Variants in PGAP4 observed in about 807,000 individuals in gnomAD.
PGAP4 encodes the protein GPI-N-acetylgalactosamine transferase PGAP4.
A neutral mutation model predicts 28.2 loss-of-function variants in PGAP4; 12 were observed. The observed-to-expected ratio is 0.42, with a 90% confidence interval of 0.27 to 0.69. The LOEUF (loss-of-function observed/expected upper bound fraction) is 0.69. Among genes scored for constraint, PGAP4 ranks in the 30% least tolerant of loss-of-function variants. The pLI is 0.22. For synonymous variants in PGAP4, 205 were observed against 211.8 expected, an observed-to-expected ratio of 0.97 and a Z score of 0.28; for missense variants, 425 against 513.5, an observed-to-expected ratio of 0.83 and a Z score of 1.67.
At chr9:101,483,512 C>T (rs1826542374) in intron 1 of PGAP4, among the ~76,000 whole-genome samples, 1 of 152,090 alleles carries the variant, frequency 6.6e-6, no homozygotes, top group African/African-American at 2.4e-5. Context: ...TGCACTACTG[C>T]CTACATAAAT....
At chr9:101,526,867 A>C (rs1827039639) in intron 2 of PGAP4, among the ~76,000 whole-genome samples, 1 of 152,186 alleles carries the variant, frequency 6.6e-6, no homozygotes, top group African/African-American at 2.4e-5. Flanking sequence ...GACTTATTCC[A>C]TTTTTCCAAA....
At position 101,478,513 on chromosome 9, in the gene PGAP4, A is replaced by G. The variant is rs150262346; in HGVS notation, c.-77-1344T>C. Among the ~76,000 whole-genome samples, 310 of 152,330 alleles carry G rather than the reference A, an allele frequency of 2.0e-3. 1 individual carries two copies. Among genetic ancestry groups the G allele is most frequent in the African/African-American group, 7.0e-3 (291 of 41,578 alleles). On this transcript the variant is annotated intron_variant, in intron 1 of 1. Coordinates refer to ENST00000374848, the MANE Select transcript of PGAP4 (RefSeq NM_032342.3). ...AGACTCAGCCAGTGCTCTCATATCC[A>G]TGGTCTCCCCTTGGGCACACAGAAA...
chr9:101,484,263 AAGAG>A (rs1430283858), intron 1 of PGAP4, among the ~76,000 whole-genome samples: 1 of 152,012 alleles, frequency 6.6e-6, no homozygotes, highest in Non-Finnish European at 1.5e-5. Context: ...AGAAGACAGA[AAGAG>A]AGAAGGAGAG....
intron 1 of PGAP4, among the ~76,000 whole-genome samples, chr9:101,483,503 G>A (rs1826542228): frequency 6.6e-6 from 1 of 152,012 alleles, no homozygotes; most frequent in Non-Finnish European, 1.5e-5. Context: ...CAACCAATAT[G>A]CACTACTGCC....
intron 2 of PGAP4, among the ~76,000 whole-genome samples, chr9:101,499,240 C>T (rs1826777106): frequency 6.6e-6 from 1 of 151,984 alleles, no homozygotes; most frequent in South Asian, 2.1e-4. Context: ...GAGAGAGGCT[C>T]AGCTCATAAG....
chr9:101,485,930 C>G (rs952167883), intron 1 of PGAP4, among the ~76,000 whole-genome samples: 1 of 151,950 alleles, frequency 6.6e-6, no homozygotes, highest in Non-Finnish European at 1.5e-5. Flanking sequence ...AAAAAAAAAG[C>G]TATTTCCCCT....
chr9:101,477,839 C>T (rs1195308869), intron 1 of PGAP4, among the ~76,000 whole-genome samples: 1 of 152,040 alleles, frequency 6.6e-6, no homozygotes, highest in Non-Finnish European at 1.5e-5. Flanking sequence ...TTCCCATAAG[C>T]AAGCAAACTC....
chr9:101,527,258 G>A (rs150646712), intron 2 of PGAP4, among the ~76,000 whole-genome samples: 2 of 152,270 alleles, frequency 1.3e-5, no homozygotes, highest in East Asian at 3.9e-4. Flanking sequence ...AATGTAATCA[G>A]CCTTTTTCTT....
chr9:101,495,055 C>G, intron 2 of PGAP4, among the ~76,000 whole-genome samples: 1 of 136,666 alleles, frequency 7.3e-6, no homozygotes, highest in Non-Finnish European at 1.6e-5. Context: ...CTAAATGTAA[C>G]TGAAAGAAGA....
chr9:101,495,884 T>C (rs1404597342), intron 2 of PGAP4, among the ~76,000 whole-genome samples: 1 of 151,330 alleles, frequency 6.6e-6, no homozygotes, highest in African/African-American at 2.4e-5. Context: ...ATAGTGTGAT[T>C]ACGTTTCCTT....
At chr9:101,483,879 T>A (rs1826549847) in intron 1 of PGAP4, among the ~76,000 whole-genome samples, 1 of 151,996 alleles carries the variant, frequency 6.6e-6, no homozygotes, top group African/African-American at 2.4e-5. Flanking sequence ...AACAGAAAAA[T>A]AATGCTTAGG....
chr9:101,505,546 G>A (rs1826842441), intron 2 of PGAP4, among the ~76,000 whole-genome samples: 1 of 151,886 alleles, frequency 6.6e-6, no homozygotes, highest in Non-Finnish European at 1.5e-5. Context: ...CCCTCTGTCT[G>A]AATTATCTTT....
At chr9:101,506,194 A>G (rs1826847028) in intron 2 of PGAP4, among the ~76,000 whole-genome samples, 1 of 152,104 alleles carries the variant, frequency 6.6e-6, no homozygotes, top group South Asian at 2.1e-4. Flanking sequence ...CCTGTGGAAA[A>G]CTATAGTAAG....
chr9:101,502,824 C>A (rs1323389510), intron 2 of PGAP4, among the ~76,000 whole-genome samples: 3 of 152,068 alleles, frequency 2.0e-5, no homozygotes, highest in Non-Finnish European at 4.4e-5. Context: ...ATAAGAAAGA[C>A]ATCTTTTTCT....
At position 101,476,947 on chromosome 9, in the gene PGAP4, G is replaced by C; in HGVS notation, c.146C>G (p.Ser49Cys). 1 of 1,614,198 alleles carries C rather than the reference G, an allele frequency of 6.2e-7. No homozygotes were observed. Among genetic ancestry groups the C allele is most frequent in the Non-Finnish European group, 8.5e-7 (1 of 1,180,024 alleles). ...APLACHRLLHSYFYLRHWHLN... is the reference protein window; with the variant it reads ...APLACHRLLHCYFYLRHWHLN... ...ATGCCAATGGCGCAGATAGAAGTAA[G>C]AGTGTAGAAGTCGGTGACAGGCCAG... The change falls in exon 2 of 2, where the codon TCT becomes TGT. Residue 49 changes from serine to cysteine, a missense_variant. Coordinates refer to ENST00000374848, the MANE Select transcript of PGAP4 (RefSeq NM_032342.3). The surrounding 1 kb of genome is among the most constrained non-coding windows in gnomAD (Gnocchi z 7.0).
At chr9:101,494,706 T>C (rs951937747) in intron 2 of PGAP4, among the ~76,000 whole-genome samples, 1 of 151,694 alleles carries the variant, frequency 6.6e-6, no homozygotes, top group Admixed American at 6.6e-5. Flanking sequence ...CTATAGCTGA[T>C]TGCAAAAACT....
At chr9:101,516,999 T>C (rs1326785573) in intron 2 of PGAP4, among the ~76,000 whole-genome samples, 1 of 152,216 alleles carries the variant, frequency 6.6e-6, no homozygotes, top group South Asian at 2.1e-4. Flanking sequence ...GATTGAAGAC[T>C]GAAGGGCAAA....
At chr9:101,502,349 G>A (rs1192791589) in intron 2 of PGAP4, among the ~76,000 whole-genome samples, 2 of 152,064 alleles carry the variant, frequency 1.3e-5, no homozygotes, top group Non-Finnish European at 2.9e-5. Context: ...TATCCTAGAA[G>A]TTCCAAATGA....
chr9:101,493,944 A>G (rs1394705748), intron 2 of PGAP4, among the ~76,000 whole-genome samples: 1 of 152,094 alleles, frequency 6.6e-6, no homozygotes. Flanking sequence ...AAAACAATGT[A>G]CAGGGATATA....
Sources: gnomAD v4.1 joint callset for allele counts (sites outside exome capture counted in the v4.1 genomes callset) on GRCh38, gnomAD v4.1.1 for gene constraint, Gnocchi (gnomAD v3.1) non-coding constraint, MANE v1.5 for transcripts, NCBI Gene and HGNC (gene_info 2026-07-23, HGNC 2026-07-21) for gene names.